Variants in TMEM161A observed in about 807,000 individuals in gnomAD.
The protein encoded by TMEM161A is transmembrane protein 161A.
TMEM161A carries 46 observed loss-of-function variants against 57.1 expected under a neutral mutation model. The ratio of observed to expected loss-of-function variants is 0.81; its 90% confidence interval spans 0.64 to 1.03. The LOEUF (loss-of-function observed/expected upper bound fraction) is 1.03. Ranked by LOEUF, TMEM161A falls within the 50% of genes least tolerant of loss-of-function variation. The probability of loss-of-function intolerance (pLI) is 0.00; values close to 1 mark genes in which losing one functional copy is unlikely to be tolerated. For missense variants in TMEM161A, 601 were observed against 621.5 expected, an observed-to-expected ratio of 0.97 and a Z score of 0.35; for synonymous variants, 288 against 279.0, an observed-to-expected ratio of 1.03 and a Z score of -0.32.
rs775218866 is a variant in TMEM161A, at chr19:19,121,486, G to A, written c.800+39C>T. On this transcript the variant is annotated intron_variant, in intron 8 of 11. Transcript: ENST00000162044. This position sits in a 1 kb window ranked among gnomAD's most constrained non-coding sequence, Gnocchi z 5.8. Reference sequence around the variant, plus strand: ...CCCTCTCCTCGAGTCTCTCCCTTAAGCTCCCTAGTCCCCCCACCCACCAAG... The same window carrying A: ...CCCTCTCCTCGAGTCTCTCCCTTAAACTCCCTAGTCCCCCCACCCACCAAG... 6.2e-7 allele frequency: 1 copy of A among 1,613,612 alleles called. No individual in the cohort carries two copies.
intron 6 of TMEM161A, among the ~76,000 whole-genome samples, chr19:19,128,208 T>C (rs2059940330): frequency 6.6e-6 from 1 of 150,800 alleles, no homozygotes; most frequent in Non-Finnish European, 1.5e-5. Context: ...GTGGTGATGG[T>C]TGCACGACAT....
At chr19:19,124,489 A>G (rs1478627654) in intron 6 of TMEM161A, among the ~76,000 whole-genome samples, 1 of 152,240 alleles carries the variant, frequency 6.6e-6, no homozygotes, top group Non-Finnish European at 1.5e-5. Flanking sequence ...CAAATAGACC[A>G]TCTGTGCAAT....
At position 19,121,688 on chromosome 19, in the gene TMEM161A, C is replaced by T. The variant is rs369331844; in HGVS notation, c.657-20G>A. Reference sequence around the variant, plus strand: ...GGAAGCCTAGGAGAACACCAGGTCACGAGCCTGCCTGGGGGACCCTGGGAG... The same window carrying T: ...GGAAGCCTAGGAGAACACCAGGTCATGAGCCTGCCTGGGGGACCCTGGGAG... On this transcript the variant is annotated intron_variant, in intron 7 of 11. Coordinates refer to ENST00000162044, the MANE Select transcript of TMEM161A (RefSeq NM_017814.3). This position sits in a 1 kb window ranked among gnomAD's most constrained non-coding sequence, Gnocchi z 5.8. 19 of 1,612,554 alleles carry T rather than the reference C, an allele frequency of 1.2e-5. No individual in the cohort carries two copies. The East Asian group carries it at 1.3e-4, about 11-fold the overall frequency.
Position 19,132,999 on chromosome 19 carries a change from C to T in TMEM161A, c.188+131G>A. On this transcript the variant is annotated intron_variant, in intron 3 of 11. Coordinates refer to ENST00000162044, the MANE Select transcript of TMEM161A (RefSeq NM_017814.3). This position sits in a 1 kb window ranked among gnomAD's most constrained non-coding sequence, Gnocchi z 4.3. The stretch of plus-strand genomic sequence containing the variant: ...TAGGGTCTCCCGGTTCACCTGTGCC[C>T]AGATCAGCGCCTGGAAGTATGGGTG... 1.2e-6 allele frequency: 1 copy of T among 840,402 alleles called. No homozygotes were observed. The highest frequency in any genetic ancestry group is 1.8e-6 in the Non-Finnish European group (1 of 542,728). The allele number at this position is 840,402 out of a possible 1,614,324, so 52.1% of individuals were successfully genotyped here.
At position 19,138,409 on chromosome 19, in the gene TMEM161A, G is replaced by C; in HGVS notation, c.3+17C>G. 6.2e-7 allele frequency: 1 copy of C among 1,602,694 alleles called. No individual in the cohort carries two copies. The highest frequency in any genetic ancestry group is 8.5e-7 in the Non-Finnish European group (1 of 1,174,756). ...TCGGCCCTGCAGAACCCCCCACTTCGCGGGACGCTCGCTCACCATGACGCG... is the reference window on the plus strand; with the variant it reads ...TCGGCCCTGCAGAACCCCCCACTTCCCGGGACGCTCGCTCACCATGACGCG... On this transcript the variant is annotated intron_variant, in intron 1 of 11. Transcript: ENST00000162044.
intron 2 of TMEM161A, among the ~76,000 whole-genome samples, chr19:19,134,149 G>T (rs1041199506): frequency 7.9e-5 from 12 of 151,702 alleles, no homozygotes; most frequent in Admixed American, 2.6e-4. Flanking sequence ...ACAGACCCAC[G>T]CAAGGACAAA....
At chr19:19,120,603 T>A (rs535183972) in intron 11 of TMEM161A, among the ~76,000 whole-genome samples, 162 bp downstream of exon 11, 1 of 129,860 alleles carries the variant, frequency 7.7e-6, no homozygotes, top group East Asian at 2.3e-4. Context: ...CAAGCCCCAC[T>A]CCAGGCTCCG....
At position 19,119,258 on chromosome 19, in the gene TMEM161A, C is replaced by T. The variant is rs2059895796; in HGVS notation, c.*672G>A. On this transcript the variant is annotated 3_prime_UTR_variant, in exon 12 of 12. Transcript: ENST00000162044. ...CACCTCTCAGGTTCAAGCGACTCTT[C>T]TGGCTCATCCTTCTCAGTAGCTGGA... 1 of 150,762 alleles carries T rather than the reference C, an allele frequency of 6.6e-6. No individual in the cohort carries two copies. The highest frequency in any genetic ancestry group is 1.5e-5 in the Non-Finnish European group (1 of 68,100). 9.3% of individuals were successfully genotyped at this position (150,762 alleles called of 1,614,324 possible). A position where few individuals can be genotyped will look rare whatever the true frequency, so the allele number is the denominator to read the frequency against.
rs537621048 is a variant in TMEM161A at position 19,119,522 on chromosome 19, C to T, written c.*408G>A. 1.4e-5 allele frequency: 3 copies of T among 210,364 alleles called. No homozygotes were observed. The highest frequency in any genetic ancestry group is 1.1e-4 in the East Asian group (1 of 9,062). 13.0% of individuals were successfully genotyped at this position (210,364 alleles called of 1,614,324 possible). A position where few individuals can be genotyped will look rare whatever the true frequency, so the allele number is the denominator to read the frequency against. Reference sequence around the variant, plus strand: ...CAGTCCTGCTCCTCTCTCCCTCCCGCGCAGCCCCCACCCTGCACCCGGGCA... The same window carrying T: ...CAGTCCTGCTCCTCTCTCCCTCCCGTGCAGCCCCCACCCTGCACCCGGGCA... On this transcript the variant is annotated 3_prime_UTR_variant, in exon 12 of 12. Transcript: ENST00000162044.
chr19:19,120,276 G>A, intron 11 of TMEM161A, 93 bp from the exon 12 acceptor site: 7 of 1,108,144 alleles, frequency 6.3e-6, no homozygotes, highest in Non-Finnish European at 8.8e-6. Flanking sequence ...CATTCCTCCA[G>A]ACACTCCCAC....
At chr19:19,130,416 A>G in intron 5 of TMEM161A, 109 bp from the exon 6 acceptor site, 1 of 1,409,598 alleles carries the variant, frequency 7.1e-7, no homozygotes, top group East Asian at 2.3e-5. Flanking sequence ...TGCTGCACAA[A>G]TAGGCCTTGG....
At chr19:19,128,534 T>G (rs2059942291) in intron 6 of TMEM161A, among the ~76,000 whole-genome samples, 1 of 110,200 alleles carries the variant, frequency 9.1e-6, no homozygotes, top group Non-Finnish European at 1.8e-5. Flanking sequence ...CTGGCCTACA[T>G]TTTTTTTTTT....
chr19:19,132,854 T>C lies in TMEM161A; in HGVS notation c.189-100A>G, dbSNP rs2059965502. 3.9e-6 allele frequency: 4 copies of C among 1,021,380 alleles called. No homozygotes were observed. Among genetic ancestry groups the C allele is most frequent in the Admixed American group, 3.0e-5 (1 of 33,844 alleles). 63.3% of individuals were successfully genotyped at this position (1,021,380 alleles called of 1,614,324 possible). A position where few individuals can be genotyped will look rare whatever the true frequency, so the allele number is the denominator to read the frequency against. ...GCAGCTGGCCTGGAGACCATCTCTT[T>C]CCACAACCTTGGCTCCTCTGCACAC... is the stretch of plus-strand genomic sequence containing the variant. On this transcript the variant is annotated intron_variant, in intron 3 of 11. Transcript: ENST00000162044. The surrounding 1 kb of genome is among the most constrained non-coding windows in gnomAD (Gnocchi z 4.3).
At chr19:19,124,035 C>T (rs893002363) in intron 6 of TMEM161A, among the ~76,000 whole-genome samples, 12 of 150,230 alleles carry the variant, frequency 8.0e-5, no homozygotes, top group Admixed American at 1.3e-4. Flanking sequence ...GCCTGGCCAA[C>T]GAGAGCAAAA....
chr19:19,130,530 T>C, intron 5 of TMEM161A: 1 of 575,870 alleles, frequency 1.7e-6, no homozygotes, highest in East Asian at 2.9e-5. Flanking sequence ...CCACCGTGTC[T>C]GTACAGCCTC....
At chr19:19,125,811 T>C (rs2059928167) in intron 6 of TMEM161A, among the ~76,000 whole-genome samples, 1 of 148,502 alleles carries the variant, frequency 6.7e-6, no homozygotes, top group South Asian at 2.4e-4. Context: ...CCACCACCCC[T>C]GGCCAGTCAT....
chr19:19,132,789 G>C lies in TMEM161A; in HGVS notation c.189-35C>G. ...TGGTGACAAGCAAGAGGGACGGTGA[G>C]CACGCATTCCACTGAGGCCAGCCAC... On this transcript the variant is annotated intron_variant, in intron 3 of 11. Transcript: ENST00000162044. The surrounding 1 kb of genome is among the most constrained non-coding windows in gnomAD (Gnocchi z 4.3). 6.7e-7 allele frequency: 1 copy of C among 1,491,862 alleles called. No individual in the cohort carries two copies. Among genetic ancestry groups the C allele is most frequent in the South Asian group, 1.3e-5 (1 of 74,482 alleles). The allele number at this position is 1,491,862 out of a possible 1,614,324, so 92.4% of individuals were successfully genotyped here.
At position 19,119,802 on chromosome 19, in the gene TMEM161A, T is replaced by G; in HGVS notation, c.*128A>C. On this transcript the variant is annotated 3_prime_UTR_variant, in exon 12 of 12. Coordinates refer to ENST00000162044, the MANE Select transcript of TMEM161A (RefSeq NM_017814.3). ...GGGGGCCGCGGGTCAGGCACTGTGG[T>G]GAAGGGAACGCCGGGGAGTCCGGCC... 1 of 1,243,706 alleles carries G rather than the reference T, an allele frequency of 8.0e-7. No individual in the cohort carries two copies. The highest frequency in any genetic ancestry group is 1.1e-6 in the Non-Finnish European group (1 of 909,890). The allele number at this position is 1,243,706 out of a possible 1,614,324, so 77.0% of individuals were successfully genotyped here.
At chr19:19,134,386 G>A (rs2059974788) in intron 2 of TMEM161A, among the ~76,000 whole-genome samples, 1 of 152,084 alleles carries the variant, frequency 6.6e-6, no homozygotes, top group South Asian at 2.1e-4. Flanking sequence ...AGGATCGCTT[G>A]AGCCTAGGAG....
Sources: allele counts gnomAD v4.1 joint callset (sites outside exome capture counted in the v4.1 genomes callset), GRCh38; gene constraint gnomAD v4.1.1; non-coding constraint Gnocchi (gnomAD v3.1); transcripts MANE v1.5; gene names NCBI Gene and HGNC (gene_info 2026-07-23, HGNC 2026-07-21).